Variants in NME7 observed in about 807,000 individuals in gnomAD.
The protein encoded by NME7 is NME/NM23 family member 7.
A neutral mutation model predicts 49.1 loss-of-function variants in NME7; 41 were observed. The ratio of observed to expected loss-of-function variants is 0.83; its 90% confidence interval spans 0.65 to 1.08. NME7 has a LOEUF of 1.08. Among genes scored for constraint, NME7 ranks in the 50% least tolerant of loss-of-function variants. The pLI, the probability that NME7 is intolerant of heterozygous loss-of-function variation, is 0.00. For missense variants in NME7, 423 were observed against 463.4 expected, an observed-to-expected ratio of 0.91 and a Z score of 0.80; for synonymous variants, 139 against 150.6, an observed-to-expected ratio of 0.92 and a Z score of 0.56.
chr1:169,303,428 C>T, intron 4 of NME7: 2 of 176,096 alleles, frequency 1.1e-5, no homozygotes, highest in South Asian at 1.7e-4. Flanking sequence ...TACTTTTCTA[C>T]TTATGTTATA....
At chr1:169,244,806 T>C (rs1054972871) in intron 7 of NME7, among the ~76,000 whole-genome samples, 9 of 151,996 alleles carry the variant, frequency 5.9e-5, no homozygotes, top group Non-Finnish European at 1.5e-5. Context: ...TTAAGGTCTT[T>C]CCTGGCATCA....
intron 10 of NME7, among the ~76,000 whole-genome samples, chr1:169,213,090 A>G (rs1660877244): frequency 6.6e-6 from 1 of 152,194 alleles, no homozygotes; most frequent in African/African-American, 2.4e-5. Flanking sequence ...AAGAAAATAT[A>G]TATGTAATGC....
At chr1:169,233,887 T>C (rs1387207958) in intron 9 of NME7, among the ~76,000 whole-genome samples, 1 of 152,132 alleles carries the variant, frequency 6.6e-6, no homozygotes, top group African/African-American at 2.4e-5. Flanking sequence ...TCTCCCTCCC[T>C]TCCTTGTTTC....
At chr1:169,229,910 C>T (rs1048924641) in intron 10 of NME7, among the ~76,000 whole-genome samples, 1 of 151,016 alleles carries the variant, frequency 6.6e-6, no homozygotes, top group East Asian at 1.9e-4. Flanking sequence ...TGCAGTGAGC[C>T]GAGATTGCAC....
intron 7 of NME7, among the ~76,000 whole-genome samples, chr1:169,239,453 T>C (rs1005191795): frequency 2.0e-5 from 3 of 151,954 alleles, no homozygotes; most frequent in African/African-American, 7.2e-5. Flanking sequence ...AGAATGACAA[T>C]ACTTTTAAGA....
chr1:169,204,645 G>C (rs1557986642), intron 10 of NME7, among the ~76,000 whole-genome samples: 1 of 152,084 alleles, frequency 6.6e-6, no homozygotes, highest in Non-Finnish European at 1.5e-5. Flanking sequence ...AGAGATGTAA[G>C]CACTTTCCTT....
intron 1 of NME7, among the ~76,000 whole-genome samples, chr1:169,336,652 C>T (rs1014472143): frequency 6.6e-6 from 1 of 150,792 alleles, no homozygotes; most frequent in Non-Finnish European, 1.5e-5. Context: ...ATACAGAGTG[C>T]CGACTGGTGT....
At chr1:169,191,229 G>A (rs370283348) in intron 10 of NME7, among the ~76,000 whole-genome samples, 182 of 152,276 alleles carry the variant, frequency 1.2e-3, no homozygotes, top group South Asian at 4.6e-3. Flanking sequence ...CCCTTAACGT[G>A]TTTTCTATTT....
Position 169,261,047 on chromosome 1 carries a change from G to T in NME7, c.755-23360C>A, listed in dbSNP as rs559404116. ...CAATAACATCATTCCCTGAATCACC[G>T]TGACTCTGAATCTTAAAATAGAAAA... On this transcript the variant is annotated intron_variant, in intron 7 of 11. Transcript: ENST00000367811. 3.0e-5 allele frequency among the ~76,000 whole-genome samples: 4 copies of T among 131,762 alleles called. No homozygotes were observed. In the East Asian group the frequency reaches 8.0e-4, roughly 27 times the overall value. The allele number at this position is 131,762 out of a possible 152,430, so 86.4% of individuals were successfully genotyped here.
intron 11 of NME7, among the ~76,000 whole-genome samples, chr1:169,139,235 T>G (rs1658521093): frequency 6.6e-6 from 1 of 152,240 alleles, no homozygotes; most frequent in Admixed American, 6.5e-5. Context: ...TTTTAAATTT[T>G]ACTCTTAAAA....
At position 169,257,101 on chromosome 1, in the gene NME7, G is replaced by T. The variant is rs968700394; in HGVS notation, c.755-19414C>A. ...CTGTGGTGGGCTCCGCCCAGGTGGA[G>T]CTTCCTGGCTGCTTTGTTTACCTAA... On this transcript the variant is annotated intron_variant, in intron 7 of 11. Transcript: ENST00000367811. Among the ~76,000 whole-genome samples, 27 of 135,206 alleles carry T rather than the reference G, an allele frequency of 2.0e-4. 4 individuals carry two copies. The highest frequency in any genetic ancestry group is 2.3e-4 in the African/African-American group (9 of 39,994). 88.7% of individuals were successfully genotyped at this position (135,206 alleles called of 152,430 possible).
At chr1:169,283,059 C>T (rs1326621682) in intron 7 of NME7, among the ~76,000 whole-genome samples, 1 of 152,040 alleles carries the variant, frequency 6.6e-6, no homozygotes, top group Non-Finnish European at 1.5e-5. Flanking sequence ...TAAATTCTCC[C>T]ACTTTTATTG....
At chr1:169,306,459 T>A (rs1054640724) in intron 4 of NME7, among the ~76,000 whole-genome samples, 2 of 152,152 alleles carry the variant, frequency 1.3e-5, no homozygotes, top group Non-Finnish European at 2.9e-5. Flanking sequence ...TATGAGCCTA[T>A]AAAATGCCTA....
intron 10 of NME7, among the ~76,000 whole-genome samples, chr1:169,211,500 G>GA (rs1370149603): frequency 6.6e-6 from 1 of 152,078 alleles, no homozygotes; most frequent in Non-Finnish European, 1.5e-5. Context: ...AAATCACCTG[G>GA]AAAAAATATT....
At chr1:169,246,249 T>A (rs955201301) in intron 7 of NME7, among the ~76,000 whole-genome samples, 7 of 152,142 alleles carry the variant, frequency 4.6e-5, no homozygotes, top group Non-Finnish European at 1.0e-4. Flanking sequence ...AAGGTTGCAG[T>A]GAGCTGAGAT....
chr1:169,359,131 G>T (rs1653562823), intron 1 of NME7, among the ~76,000 whole-genome samples: 1 of 151,978 alleles, frequency 6.6e-6, no homozygotes, highest in Non-Finnish European at 1.5e-5. Context: ...TACATACAAT[G>T]ATATAGCATT....
At chr1:169,291,325 C>T (rs917709915) in intron 6 of NME7, among the ~76,000 whole-genome samples, 5 of 152,130 alleles carry the variant, frequency 3.3e-5, no homozygotes, top group South Asian at 2.1e-4. Context: ...GAATACTATG[C>T]AACCATAAAA....
At chr1:169,170,005 T>G (rs1175011208) in intron 10 of NME7, among the ~76,000 whole-genome samples, 1 of 152,064 alleles carries the variant, frequency 6.6e-6, no homozygotes, top group Non-Finnish European at 1.5e-5. Context: ...ATGATAATGA[T>G]GTACAAAAAA....
At chr1:169,214,831 G>T (rs1054867989) in intron 10 of NME7, among the ~76,000 whole-genome samples, 2 of 152,228 alleles carry the variant, frequency 1.3e-5, no homozygotes, top group Non-Finnish European at 2.9e-5. Flanking sequence ...CCAAGTGGGG[G>T]TGCCTGCAAT....
Sources: gnomAD v4.1 joint callset for allele counts (sites outside exome capture counted in the v4.1 genomes callset) on GRCh38, gnomAD v4.1.1 for gene constraint, MANE v1.5 for transcripts, NCBI Gene and HGNC (gene_info 2026-07-23, HGNC 2026-07-21) for gene names.